Variants in RSPO2 observed in about 807,000 individuals in gnomAD.
The protein encoded by RSPO2 is R-spondin-2.
A neutral mutation model predicts 30.9 loss-of-function variants in RSPO2; 14 were observed. The ratio of observed to expected loss-of-function variants is 0.45; its 90% confidence interval spans 0.30 to 0.71. The LOEUF is 0.71. Ranked by LOEUF, RSPO2 falls within the 30% of genes least tolerant of loss-of-function variation. The pLI is 0.08. For synonymous variants in RSPO2, 107 were observed against 96.4 expected (o/e 1.11, Z -0.64); for missense variants, 264 against 301.9 (o/e 0.87, Z 0.93).
intron 5 of RSPO2, among the ~76,000 whole-genome samples, chr8:107,924,784 A>C (rs950227375): frequency 6.6e-6 from 1 of 151,254 alleles, no homozygotes; most frequent in Non-Finnish European, 1.5e-5. Context: ...TCCAAAAAGG[A>C]AAGCAAATAA....
chr8:107,994,234 A>G (rs1285146455), intron 2 of RSPO2, among the ~76,000 whole-genome samples: 2 of 152,194 alleles, frequency 1.3e-5, no homozygotes, highest in African/African-American at 4.8e-5. Context: ...CATTTTTACA[A>G]TTAATATGCA....
chr8:108,051,495 A>G (rs1812078392), intron 2 of RSPO2, among the ~76,000 whole-genome samples: 1 of 152,238 alleles, frequency 6.6e-6, no homozygotes, highest in Non-Finnish European at 1.5e-5. Context: ...TGTTAAGAAC[A>G]CTACCAATTA....
intron 5 of RSPO2, among the ~76,000 whole-genome samples, chr8:107,929,040 G>T (rs897254592): frequency 3.3e-5 from 5 of 152,148 alleles, no homozygotes; most frequent in Admixed American, 2.6e-4. Flanking sequence ...CGCATGCCCT[G>T]ACACTGTTGC....
At chr8:108,011,800 T>C (rs1268229637) in intron 2 of RSPO2, among the ~76,000 whole-genome samples, 1 of 152,138 alleles carries the variant, frequency 6.6e-6, no homozygotes, top group African/African-American at 2.4e-5. Flanking sequence ...ACACATAAAG[T>C]CTTAATTTGC....
At chr8:107,945,530 G>A (rs1033017004) in intron 5 of RSPO2, among the ~76,000 whole-genome samples, 1 of 152,074 alleles carries the variant, frequency 6.6e-6, no homozygotes, top group Non-Finnish European at 1.5e-5. Flanking sequence ...TTACAGGCAT[G>A]AGCCACCGTG....
chr8:108,070,728 G>A (rs1812821024), intron 2 of RSPO2, among the ~76,000 whole-genome samples: 1 of 152,100 alleles, frequency 6.6e-6, no homozygotes, highest in Non-Finnish European at 1.5e-5. Context: ...AAGGTCCTTA[G>A]AGTTCACTCT....
At chr8:107,990,838 A>G (rs1372318402) in intron 2 of RSPO2, among the ~76,000 whole-genome samples, 1 of 152,194 alleles carries the variant, frequency 6.6e-6, no homozygotes, top group Non-Finnish European at 1.5e-5. Flanking sequence ...ACAGCATGGT[A>G]CTGATACAAG....
At chr8:108,075,678 GT>G (rs35335035) in intron 2 of RSPO2, among the ~76,000 whole-genome samples, 46,302 of 146,678 alleles carry the variant, frequency 0.32, 7,931 homozygotes, top group African/African-American at 0.48. Context: ...TTTTATACCT[GT>G]TTTTTTTTTT....
At chr8:108,015,000 G>T (rs1035476710) in intron 2 of RSPO2, among the ~76,000 whole-genome samples, 1 of 152,000 alleles carries the variant, frequency 6.6e-6, no homozygotes, top group Non-Finnish European at 1.5e-5. Flanking sequence ...AAGAATTAAA[G>T]CATAATATAG....
At chr8:108,023,682 A>G (rs1811119339) in intron 2 of RSPO2, among the ~76,000 whole-genome samples, 1 of 152,202 alleles carries the variant, frequency 6.6e-6, no homozygotes, top group Non-Finnish European at 1.5e-5. Context: ...CTACTCATAA[A>G]TAGGACACTC....
chr8:107,947,282 A>G (rs1374224987), intron 5 of RSPO2, among the ~76,000 whole-genome samples: 15 of 152,366 alleles, frequency 9.8e-5, no homozygotes, highest in Non-Finnish European at 2.2e-4. Flanking sequence ...GCTGGCTAGT[A>G]CAGGAAACTC....
intron 2 of RSPO2, among the ~76,000 whole-genome samples, chr8:108,077,487 G>A (rs1351260724): frequency 6.6e-6 from 1 of 152,020 alleles, no homozygotes; most frequent in Non-Finnish European, 1.5e-5. Flanking sequence ...TTCTCTCCCT[G>A]CCACCCCCTT....
intron 3 of RSPO2, among the ~76,000 whole-genome samples, chr8:107,986,311 GC>G (rs1476345873): frequency 6.6e-6 from 1 of 152,130 alleles, no homozygotes; most frequent in African/African-American, 2.4e-5. Flanking sequence ...CTTGTTAATA[GC>G]ACTTCCTGCT....
At chr8:107,921,621 C>A (rs1422206332) in intron 5 of RSPO2, among the ~76,000 whole-genome samples, 1 of 152,018 alleles carries the variant, frequency 6.6e-6, no homozygotes, top group African/African-American at 2.4e-5. Flanking sequence ...ATGGGGCCAG[C>A]ACCATCCTGA....
At chr8:108,068,852 C>G (rs1405367147) in intron 2 of RSPO2, among the ~76,000 whole-genome samples, 1 of 152,186 alleles carries the variant, frequency 6.6e-6, no homozygotes. Flanking sequence ...CATGAACCTC[C>G]TTGCATCTTG....
chr8:107,916,060 A>T (rs1811971570), intron 5 of RSPO2, among the ~76,000 whole-genome samples: 1 of 150,142 alleles, frequency 6.7e-6, no homozygotes, highest in African/African-American at 2.5e-5. Context: ...TCTTCTGTCT[A>T]TTTATATGTG....
intron 2 of RSPO2, among the ~76,000 whole-genome samples, chr8:108,049,403 T>A (rs990798407): frequency 2.0e-5 from 3 of 151,840 alleles, no homozygotes; most frequent in African/African-American, 4.8e-5. Context: ...TAAAAAAAAA[T>A]TACTTTAGAT....
intron 2 of RSPO2, among the ~76,000 whole-genome samples, chr8:108,008,975 T>C (rs1403350380): frequency 6.6e-6 from 1 of 151,944 alleles, no homozygotes; most frequent in African/African-American, 2.4e-5. Context: ...TAATAAGCTA[T>C]TGAAAAAGGT....
chr8:107,946,478 G>T lies in RSPO2; in HGVS notation c.616+11602C>A, dbSNP rs185729616. ...TTGCACATGCTGGCAGGACACCTAG[G>T]GAGAGGTGCCCACGAACGGACAAAC... On this transcript the variant is annotated intron_variant, in intron 5 of 5. Coordinates refer to ENST00000276659, the MANE Select transcript of RSPO2 (RefSeq NM_178565.5). Among the ~76,000 whole-genome samples the T allele has an allele frequency of 1.9e-3, 288 of 152,304 alleles. 4 individuals carry two copies. The highest frequency in any genetic ancestry group is 0.017 in the Admixed American group (266 of 15,294).
Sources: allele counts gnomAD v4.1 joint callset (sites outside exome capture counted in the v4.1 genomes callset), GRCh38; gene constraint gnomAD v4.1.1; transcripts MANE v1.5; gene names NCBI Gene and HGNC (gene_info 2026-07-23, HGNC 2026-07-21).